The following TXNRD2 variants were observed in gnomAD, a reference collection of about 807,000 sequenced individuals.
TXNRD2 encodes the protein thioredoxin reductase 2, also known as thioredoxin reductase 2, mitochondrial.
A neutral mutation model predicts 70.8 loss-of-function variants in TXNRD2; 67 were observed. The observed-to-expected ratio is 0.95, with a 90% CI of 0.78 to 1.16. TXNRD2 has a LOEUF of 1.16. Ranked by LOEUF, TXNRD2 falls within the 50% of genes most tolerant of loss-of-function variation. The pLI is 0.00. For synonymous variants in TXNRD2, 301 were observed against 295.8 expected, an observed-to-expected ratio of 1.02 and a Z score of -0.18; for missense variants, 644 against 719.9, an observed-to-expected ratio of 0.89 and a Z score of 1.21.
chr22:19,889,882 C>A (rs1361275104), intron 11 of TXNRD2, among the ~76,000 whole-genome samples: 1 of 151,500 alleles, frequency 6.6e-6, no homozygotes, highest in African/African-American at 2.4e-5. Flanking sequence ...GCTGACCTAT[C>A]TCTAGAAGAC....
At chr22:19,876,079 T>C (rs929284932) in intron 17 of TXNRD2, 4 of 152,300 alleles carry the variant, frequency 2.6e-5, no homozygotes, top group Non-Finnish European at 4.4e-5. Context: ...ATGCCCTTTG[T>C]TTATCCCTAT....
At chr22:19,939,358 C>A (rs530534337) in intron 1 of TXNRD2, among the ~76,000 whole-genome samples, 1 of 152,316 alleles carries the variant, frequency 6.6e-6, no homozygotes, top group Admixed American at 6.5e-5. Context: ...TTTCTATTAG[C>A]CTGAAAATAA....
At chr22:19,882,419 G>T (rs138288542) in intron 12 of TXNRD2, among the ~76,000 whole-genome samples, 2,420 of 152,222 alleles carry the variant, frequency 0.016, 69 homozygotes, top group African/African-American at 0.055. Flanking sequence ...GGCTGGTCTT[G>T]AACTCCTGAC....
At chr22:19,932,332 T>G (rs770251650) in intron 1 of TXNRD2, 2 of 1,612,512 alleles carry the variant, frequency 1.2e-6, no homozygotes, top group African/African-American at 2.7e-5. Flanking sequence ...GAATTCCTTT[T>G]GGGCTGGTTG....
chr22:19,929,587 A>C (rs1405006601), intron 2 of TXNRD2, among the ~76,000 whole-genome samples: 1 of 152,130 alleles, frequency 6.6e-6, no homozygotes, highest in Admixed American at 6.6e-5. Flanking sequence ...GCACAGAGGG[A>C]CGACAACTGC....
intron 2 of TXNRD2, among the ~76,000 whole-genome samples, chr22:19,928,698 T>C (rs1009931077): frequency 3.9e-5 from 6 of 152,028 alleles, no homozygotes; most frequent in African/African-American, 7.2e-5. Flanking sequence ...TATTTAGAGA[T>C]AGGGTCTTCA....
Position 19,883,385 on chromosome 22 carries a change from C to A in TXNRD2, c.1026G>T (p.Leu342=). 1.2e-6 allele frequency: 2 copies of A among 1,614,064 alleles called. No individual in the cohort carries two copies. The highest frequency in any genetic ancestry group is 1.7e-6 in the Non-Finnish European group (2 of 1,180,032). Residue 342 remains leucine (L), a synonymous_variant, in exon 12 of 18, where the codon CTG becomes CTT. Coordinates refer to ENST00000400521, the MANE Select transcript of TXNRD2 (RefSeq NM_006440.5). ...VDTSPDTQKI[L]VDSREATSVP... The stretch of plus-strand genomic sequence containing the variant: ...CAGAGGTGGCTTCCCGGGAGTCCAC[C>A]AGGATCTTCTGAGTGTCGGGGCTAG...
intron 10 of TXNRD2, among the ~76,000 whole-genome samples, chr22:19,897,673 G>A (rs912962417): frequency 6.6e-6 from 1 of 152,184 alleles, no homozygotes; most frequent in Non-Finnish European, 1.5e-5. Context: ...GGCAAGGGGA[G>A]AGCAGGGAGT....
At chr22:19,881,798 G>A (rs1037627616) in intron 12 of TXNRD2, among the ~76,000 whole-genome samples, 1 of 152,202 alleles carries the variant, frequency 6.6e-6, no homozygotes, top group African/African-American at 2.4e-5. Flanking sequence ...CAGAGGCTGC[G>A]CTTGCAGAAA....
At chr22:19,909,919 TCACA>T (rs140145073) in intron 8 of TXNRD2, among the ~76,000 whole-genome samples, 1 of 60,070 alleles carries the variant, frequency 1.7e-5, no homozygotes, top group Non-Finnish European at 3.3e-5. Context: ...CCCACACCCT[TCACA>T]CACACACACC....
chr22:19,925,115 T>C (rs1232499805), intron 2 of TXNRD2, among the ~76,000 whole-genome samples: 3 of 151,698 alleles, frequency 2.0e-5, no homozygotes, highest in South Asian at 2.1e-4. Context: ...AAGCCCCGTT[T>C]CTACTAAAAT....
chr22:19,908,062 C>T (rs1322197490), intron 8 of TXNRD2, among the ~76,000 whole-genome samples: 8 of 88,084 alleles, frequency 9.1e-5, no homozygotes, highest in East Asian at 3.3e-4. Flanking sequence ...TAGCAGTGAC[C>T]GCTCTCAGGA....
chr22:19,918,910 T>C lies in TXNRD2; in HGVS notation c.324A>G (p.Gln108=), dbSNP rs1940761258. 1 of 1,612,770 alleles carries C rather than the reference T, an allele frequency of 6.2e-7. No homozygotes were observed. The highest frequency in any genetic ancestry group is 1.1e-5 in the South Asian group (1 of 91,072). ...HQAALLGGLI[Q]DAPNYGWEVA... is the part of the protein sequence containing the mutation. The stretch of plus-strand genomic sequence containing the variant: ...CCTCCCAGCCATAGTTGGGGGCATC[T>C]TGGATCAGGCCTCCCAGCAGTGCCG... Residue 108 remains glutamine (Q), a synonymous_variant, in exon 4 of 18, where the codon CAA becomes CAG. Transcript: ENST00000400521.
Position 19,879,976 on chromosome 22 carries a change from C to T in TXNRD2, c.1275+203G>A, listed in dbSNP as rs1365550745. Among the ~76,000 whole-genome samples the T allele has an allele frequency of 3.3e-5, 5 of 152,204 alleles. No homozygotes were observed. In the East Asian group the frequency reaches 9.6e-4, roughly 29 times the overall value. ...GGCAGAGACCAGAGGCACCTAAGCC[C>T]AGTCACCCCAAGGCTGCCAAAGCCC... On this transcript the variant is annotated intron_variant, in intron 14 of 17. Transcript: ENST00000400521.
At position 19,941,717 on chromosome 22, in the gene TXNRD2, C is replaced by T. The variant is rs1941725305; in HGVS notation, c.87G>A (p.Ala29=). The change falls in exon 1 of 18, where the codon GCG becomes GCA. Residue 29 remains alanine, a synonymous_variant. Coordinates refer to ENST00000400521, the MANE Select transcript of TXNRD2 (RefSeq NM_006440.5). ...CCATCCTACCTGCTGCGCCCCGCGC[C>T]GCGCCCCGCACCCCGCCCGCCACGG... is the stretch of plus-strand genomic sequence containing the variant. ...TQAVAGGVRG[A]ARGAAAGQRD... 6 of 1,484,644 alleles carry T rather than the reference C, an allele frequency of 4.0e-6. No individual in the cohort carries two copies. The highest frequency in any genetic ancestry group is 1.5e-5 in the African/African-American group (1 of 68,352). The allele number at this position is 1,484,644 out of a possible 1,614,324, so 92.0% of individuals were successfully genotyped here.
intron 5 of TXNRD2, chr22:19,916,255 G>C (rs1420005732): frequency 3.9e-6 from 1 of 257,136 alleles, no homozygotes. Context: ...GTAACACCAA[G>C]AGAACGGGCA....
chr22:19,895,280 G>T (rs1208761071), intron 11 of TXNRD2, 127 bp downstream of exon 11: 19 of 1,593,874 alleles, frequency 1.2e-5, no homozygotes, highest in Non-Finnish European at 1.5e-5. Flanking sequence ...GTGCACTGGG[G>T]AGCGGCCAAC....
rs780014083 is a variant in TXNRD2, at chr22:19,883,410, G to A, written c.1001C>T (p.Thr334Ile). Residue 334 changes from threonine to isoleucine, a missense_variant, in exon 12 of 18, where the codon ACT becomes ATT. Thr to Ile is a moderately conservative substitution (Grantham distance 89). This residue lies in a region of TXNRD2 where 566 missense variants were observed against 645.0 expected (regional missense o/e 0.88). Transcript: ENST00000400521. Reference protein sequence around the residue: ...SLNLEKAGVDTSPDTQKILVD... With the variant: ...SLNLEKAGVDISPDTQKILVD... ...CAGGATCTTCTGAGTGTCGGGGCTA[G>A]TATCTACCCCAGCCTTCTCCAAATT... 6.2e-6 allele frequency: 10 copies of A among 1,613,934 alleles called. No individual in the cohort carries two copies. In the African/African-American group the frequency reaches 1.3e-4, roughly 22 times the overall value.
At chr22:19,919,096 T>G in intron 3 of TXNRD2, 92 bp from the exon 4 acceptor site, 1 of 1,380,504 alleles carries the variant, frequency 7.2e-7, no homozygotes, top group Non-Finnish European at 9.9e-7. Context: ...TCCTTAAAGT[T>G]GCTTTGTAAC....
Sources: gnomAD v4.1 joint callset for allele counts (sites outside exome capture counted in the v4.1 genomes callset) on GRCh38, gnomAD v4.1.1 for gene constraint, gnomAD v4.1.1 regional missense constraint, MANE v1.5 for transcripts, NCBI Gene and HGNC (gene_info 2026-07-23, HGNC 2026-07-21) for gene names.